KLF2: variants seen among roughly 807,000 people sequenced by gnomAD.
KLF2 encodes KLF transcription factor 2.
A neutral mutation model predicts 22.2 loss-of-function variants in KLF2; 9 were observed. The ratio of observed to expected loss-of-function variants is 0.40; its 90% confidence interval spans 0.24 to 0.71. The LOEUF (loss-of-function observed/expected upper bound fraction) is 0.71, where lower values mean the gene tolerates loss of function less well. KLF2 is among the 30% of genes least tolerant of loss of function. The pLI is 0.35. For synonymous variants in KLF2, 299 were observed against 264.2 expected, an observed-to-expected ratio of 1.13 and a Z score of -1.28; for missense variants, 481 against 542.1, an observed-to-expected ratio of 0.89 and a Z score of 1.12.
intron 1 of KLF2, 67 bp from the exon 2 acceptor site, chr19:16,325,149 G>T: frequency 7.4e-7 from 1 of 1,354,284 alleles, no homozygotes; most frequent in South Asian, 1.4e-5. Context: ...GACTTAGGGT[G>T]GTAAAAGGCA....
intron 1 of KLF2, 23 bp from the exon 2 acceptor site, chr19:16,325,193 G>A: frequency 6.8e-7 from 1 of 1,470,978 alleles, no homozygotes; most frequent in Non-Finnish European, 9.0e-7. Flanking sequence ...GCCCGCTCAC[G>A]CCCATTGCCC....
At chr19:16,326,244 T>A (rs1417424613) in intron 2 of KLF2, among the ~76,000 whole-genome samples, 2 of 126,166 alleles carry the variant, frequency 1.6e-5, no homozygotes, top group Admixed American at 1.7e-4. Context: ...GGAAGTGTGA[T>A]CCGAGAGGTT....
Position 16,325,328 on chromosome 19 carries a change from AGCCGCCGCC to A in KLF2, c.195_203del (p.Pro69_Pro71del), listed in dbSNP as rs749516918. 13 of 1,475,252 alleles carry A rather than the reference AGCCGCCGCC, an allele frequency of 8.8e-6. No individual in the cohort carries two copies. The African/African-American group carries it at 8.9e-5, about 10-fold the overall frequency. 91.4% of individuals were successfully genotyped at this position (1,475,252 alleles called of 1,614,324 possible). On this transcript the variant is annotated inframe_deletion, in exon 2 of 3. Coordinates refer to ENST00000248071, the MANE Select transcript of KLF2 (RefSeq NM_016270.4). ...GGCCTGGGCGCCGAGGCCGCCCCGGAGCCGCCGCCGCCGCCCCCGCCGCCTGCGTTCTAT... is the reference window on the plus strand; with the variant it reads ...GGCCTGGGCGCCGAGGCCGCCCCGGAGCCGCCCCCGCCGCCTGCGTTCTAT...
At position 16,327,735 on chromosome 19, in the gene KLF2, A is replaced by C. The variant is rs899096158; in HGVS notation, c.*704A>C. ...TCTGTAAATTTAGACACTGCATTTT[A>C]GGACTGAGGGAGGGTTATTTTAAGG... On this transcript the variant is annotated 3_prime_UTR_variant, in exon 3 of 3. Transcript: ENST00000248071. The C allele has an allele frequency of 3.9e-5, 6 of 151,956 alleles. No individual in the cohort carries two copies. The highest frequency in any genetic ancestry group is 2.9e-5 in the Non-Finnish European group (2 of 67,988). The allele number at this position is 151,956 out of a possible 1,614,324, so 9.4% of individuals were successfully genotyped here. A position where few individuals can be genotyped will look rare whatever the true frequency, so the allele number is the denominator to read the frequency against.
intron 2 of KLF2, 82 bp from the exon 3 acceptor site, chr19:16,326,774 G>A (rs2145197556): frequency 2.8e-6 from 4 of 1,413,064 alleles, no homozygotes; most frequent in Non-Finnish European, 3.9e-6. Context: ...CCTGGTTAGG[G>A]ATAGGTTGCG....
At position 16,325,230 on chromosome 19, in the gene KLF2, C is replaced by T. The variant is rs1316678579; in HGVS notation, c.90C>T (p.Ala30=). 6.5e-7 allele frequency: 1 copy of T among 1,532,438 alleles called. No homozygotes were observed. Among genetic ancestry groups the T allele is most frequent in the Middle Eastern group, 1.8e-4 (1 of 5,526 alleles). The allele number at this position is 1,532,438 out of a possible 1,614,324, so 94.9% of individuals were successfully genotyped here. A position where few individuals can be genotyped will look rare whatever the true frequency, so the allele number is the denominator to read the frequency against. Residue 30 remains alanine (A), a synonymous_variant, in exon 2 of 3, where the codon GCC becomes GCT. Transcript: ENST00000248071. The part of the protein sequence containing the change: ...ERGLQERWPR[A]EPESGGTDDD... ...GTCGCCCGCAGCGCTGGCCGCGCGC[C>T]GAACCCGAGTCCGGCGGCACCGACG... is the stretch of plus-strand genomic sequence containing the variant.
Position 16,327,183 on chromosome 19 carries a change from A to T in KLF2, c.*152A>T, listed in dbSNP as rs1048830997. On this transcript the variant is annotated 3_prime_UTR_variant, in exon 3 of 3. Transcript: ENST00000248071. ...AGGGTCTCCCTCGATGACGACGACGACGACGCCACCACCCCAGCCCCCGTC... is the reference window on the plus strand; with the variant it reads ...AGGGTCTCCCTCGATGACGACGACGTCGACGCCACCACCCCAGCCCCCGTC... 1.6e-5 allele frequency: 11 copies of T among 684,678 alleles called. No individual in the cohort carries two copies. The highest frequency in any genetic ancestry group is 6.5e-5 in the Admixed American group (2 of 30,666). The allele number at this position is 684,678 out of a possible 1,614,324, so 42.4% of individuals were successfully genotyped here.
intron 1 of KLF2, 74 bp from the exon 2 acceptor site, chr19:16,325,142 T>G (rs1568375040): frequency 1.5e-6 from 2 of 1,336,126 alleles, no homozygotes; most frequent in Non-Finnish European, 1.0e-6. Context: ...GATCGCGGAC[T>G]TAGGGTGGTA....
rs753808712 is a variant in KLF2, at chr19:16,327,993, T to C, written c.*962T>C. On this transcript the variant is annotated 3_prime_UTR_variant, in exon 3 of 3. Transcript: ENST00000248071. ...TCTGCCCTTTACTCGTCTCGACATT[T>C]AGCAAGTCTTTTCTTAAGGGGTGAG... 5 of 151,750 alleles carry C rather than the reference T, an allele frequency of 3.3e-5. No individual in the cohort carries two copies. The highest frequency in any genetic ancestry group is 6.6e-5 in the Admixed American group (1 of 15,168). 9.4% of individuals were successfully genotyped at this position (151,750 alleles called of 1,614,324 possible). A position where few individuals can be genotyped will look rare whatever the true frequency, so the allele number is the denominator to read the frequency against.
Position 16,325,526 on chromosome 19 carries a change from A to ACAG in KLF2, c.387_388insAGC (p.Asp129_Gly130insSer). ...GTCAAGGCCGAGCCCCCTGAAGCGGACGGCGGCGGCGGCTACGGCTGCGCC... is the reference window on the plus strand; with the variant it reads ...GTCAAGGCCGAGCCCCCTGAAGCGGACAGCGGCGGCGGCGGCTACGGCTGCGCC... On this transcript the variant is annotated inframe_insertion, in exon 2 of 3. Transcript: ENST00000248071. 1 of 1,267,332 alleles carries ACAG rather than the reference A, an allele frequency of 7.9e-7. No homozygotes were observed. Among genetic ancestry groups the ACAG allele is most frequent in the South Asian group, 2.4e-5 (1 of 41,922 alleles). The allele number at this position is 1,267,332 out of a possible 1,614,324, so 78.5% of individuals were successfully genotyped here.
In KLF2 at chr19:16,328,579, G is replaced by A. The variant is rs4808046; in HGVS notation, c.*1548G>A. Among the ~76,000 whole-genome samples the A allele has an allele frequency of 0.76, 115,959 of 152,146 alleles. 44,461 individuals carry two copies. The highest frequency in any genetic ancestry group is 0.83 in the Middle Eastern group (245 of 294). ...TGCATCCTTCCTCCTCCCCAACTACGGCAGCCCTGGAAACAGCTGAGAGGT... is the reference window on the plus strand; with the variant it reads ...TGCATCCTTCCTCCTCCCCAACTACAGCAGCCCTGGAAACAGCTGAGAGGT... On this transcript the variant is annotated 3_prime_UTR_variant, in exon 3 of 3. Coordinates refer to ENST00000248071, the MANE Select transcript of KLF2 (RefSeq NM_016270.4).
At position 16,325,211 on chromosome 19, in the gene KLF2, C is replaced by T. The variant is rs1387765181; in HGVS notation, c.76-5C>T. The T allele has an allele frequency of 3.3e-6, 5 of 1,514,414 alleles. No homozygotes were observed. The highest frequency in any genetic ancestry group is 4.4e-6 in the Non-Finnish European group (5 of 1,136,538). The allele number at this position is 1,514,414 out of a possible 1,614,324, so 93.8% of individuals were successfully genotyped here. Reference sequence around the variant, plus strand: ...CGCTCACGCCCATTGCCCTGTCGCCCGCAGCGCTGGCCGCGCGCCGAACCC... The same window carrying T: ...CGCTCACGCCCATTGCCCTGTCGCCTGCAGCGCTGGCCGCGCGCCGAACCC... On this transcript the variant is annotated splice_region_variant and splice_polypyrimidine_tract_variant and intron_variant, in intron 1 of 2. Coordinates refer to ENST00000248071, the MANE Select transcript of KLF2 (RefSeq NM_016270.4).
At chr19:16,325,045 G>A (rs1366601134) in intron 1 of KLF2, 47 bp downstream of exon 1, 13 of 1,492,424 alleles carry the variant, frequency 8.7e-6, no homozygotes, top group Admixed American at 8.3e-5. Context: ...TGGGCGGCGG[G>A]CTCGGGGTAG....
In KLF2 at chr19:16,327,111, G is replaced by T; in HGVS notation, c.*80G>T. On this transcript the variant is annotated 3_prime_UTR_variant, in exon 3 of 3. Coordinates refer to ENST00000248071, the MANE Select transcript of KLF2 (RefSeq NM_016270.4). ...GCGGCCCCCTCCCAAACTGTGACTG[G>T]TATTTATTGGACCCAGAGAACCGGG... is the stretch of plus-strand genomic sequence containing the variant. 4 of 1,327,764 alleles carry T rather than the reference G, an allele frequency of 3.0e-6. No individual in the cohort carries two copies. Among genetic ancestry groups the T allele is most frequent in the Admixed American group, 2.8e-5 (1 of 36,220 alleles). 82.2% of individuals were successfully genotyped at this position (1,327,764 alleles called of 1,614,324 possible). A position where few individuals can be genotyped will look rare whatever the true frequency, so the allele number is the denominator to read the frequency against.
chr19:16,325,237 G>C lies in KLF2; in HGVS notation c.97G>C (p.Glu33Gln). 6.5e-7 allele frequency: 1 copy of C among 1,535,752 alleles called. No homozygotes were observed. Residue 33 changes from glutamate to glutamine, a missense_variant, in exon 2 of 3, where the codon GAG becomes CAG. Around this residue, in one of 2 missense-constraint regions of KLF2, gnomAD observed 421 missense variants for 435.1 expected, o/e 0.97. Coordinates refer to ENST00000248071, the MANE Select transcript of KLF2 (RefSeq NM_016270.4). ...LQERWPRAEP[E>Q]SGGTDDDLNS... ...GCAGCGCTGGCCGCGCGCCGAACCC[G>C]AGTCCGGCGGCACCGACGACGACCT...
intron 1 of KLF2, 35 bp downstream of exon 1, chr19:16,325,033 C>A (rs757319381): frequency 6.6e-7 from 1 of 1,524,292 alleles, no homozygotes; most frequent in Non-Finnish European, 8.8e-7. Flanking sequence ...CGGCCGGGAC[C>A]GTGGGCGGCG....
At chr19:16,325,080 G>A (rs1364795171) in intron 1 of KLF2, 82 bp downstream of exon 1, 2 of 1,375,420 alleles carry the variant, frequency 1.5e-6, no homozygotes, top group South Asian at 1.3e-5. Context: ...CGGGGTGACA[G>A]GACGCGAAGG....
At position 16,327,928 on chromosome 19, in the gene KLF2, T is replaced by C. The variant is rs1166151319; in HGVS notation, c.*897T>C. On this transcript the variant is annotated 3_prime_UTR_variant, in exon 3 of 3. Coordinates refer to ENST00000248071, the MANE Select transcript of KLF2 (RefSeq NM_016270.4). Reference sequence around the variant, plus strand: ...AGTGCCAGCTCTATATTTTTATTTTTATTTTTAAAGGGGGTTAACCTGCTG... The same window carrying C: ...AGTGCCAGCTCTATATTTTTATTTTCATTTTTAAAGGGGGTTAACCTGCTG... The C allele has an allele frequency of 6.6e-6, 1 of 152,200 alleles. No individual in the cohort carries two copies. The highest frequency in any genetic ancestry group is 1.9e-4 in the East Asian group (1 of 5,204). The allele number at this position is 152,200 out of a possible 1,614,324, so 9.4% of individuals were successfully genotyped here.
Position 16,325,307 on chromosome 19 carries a change from T to C in KLF2, c.167T>C (p.Leu56Pro). The change falls in exon 2 of 3, where the codon CTG (leucine) becomes CCG (proline). Residue 56 changes from leucine to proline, a missense_variant. Around this residue, in one of 2 missense-constraint regions of KLF2, gnomAD observed 421 missense variants for 435.1 expected, o/e 0.97. Coordinates refer to ENST00000248071, the MANE Select transcript of KLF2 (RefSeq NM_016270.4). Reference sequence around the variant, plus strand: ...ATCCTGTCCATGGGGCTGGATGGCCTGGGCGCCGAGGCCGCCCCGGAGCCG... The same window carrying C: ...ATCCTGTCCATGGGGCTGGATGGCCCGGGCGCCGAGGCCGCCCCGGAGCCG... ...DFILSMGLDG[L>P]GAEAAPEPPP... The C allele has an allele frequency of 2.0e-6, 3 of 1,493,458 alleles. No homozygotes were observed. Among genetic ancestry groups the C allele is most frequent in the South Asian group, 1.3e-5 (1 of 79,356 alleles). 92.5% of individuals were successfully genotyped at this position (1,493,458 alleles called of 1,614,324 possible). A position where few individuals can be genotyped will look rare whatever the true frequency, so the allele number is the denominator to read the frequency against.
Sources: allele counts gnomAD v4.1 joint callset (sites outside exome capture counted in the v4.1 genomes callset), GRCh38; gene constraint gnomAD v4.1.1; regional missense constraint gnomAD v4.1.1; transcripts MANE v1.5; gene names NCBI Gene and HGNC (gene_info 2026-07-23, HGNC 2026-07-21).